The following SLC9A9 variants were observed in gnomAD, a reference collection of about 807,000 sequenced individuals.
SLC9A9 encodes the protein sodium/hydrogen exchanger 9.
A neutral mutation model predicts 77.8 loss-of-function variants in SLC9A9; 62 were observed. The ratio of observed to expected loss-of-function variants is 0.80; its 90% CI spans 0.65 to 0.98. SLC9A9 has a LOEUF of 0.98. Ranked by LOEUF, SLC9A9 falls within the 50% of genes least tolerant of loss-of-function variation. The pLI is 0.00. For synonymous variants in SLC9A9, 320 were observed against 283.5 expected (o/e 1.13, Z -1.29); for missense variants, 775 against 774.9 (o/e 1.00, Z 0.00).
intron 14 of SLC9A9, among the ~76,000 whole-genome samples, chr3:143,335,488 C>G (rs545225752): frequency 6.6e-6 from 1 of 152,208 alleles, no homozygotes; most frequent in South Asian, 2.1e-4. Context: ...AAGAACAAAG[C>G]TAAAGGTTTC....
chr3:143,803,112 A>G (rs1354472432), intron 2 of SLC9A9, among the ~76,000 whole-genome samples: 1 of 152,132 alleles, frequency 6.6e-6, no homozygotes, highest in Admixed American at 6.5e-5. Flanking sequence ...AGTCATCTAT[A>G]GTACCCCAAC....
intron 12 of SLC9A9, among the ~76,000 whole-genome samples, chr3:143,391,075 C>A (rs1299369050): frequency 6.6e-6 from 1 of 152,240 alleles, no homozygotes; most frequent in Non-Finnish European, 1.5e-5. Context: ...ACTTAAATGT[C>A]CCTGTCTGAC....
chr3:143,417,871 T>G (rs920508484), intron 12 of SLC9A9, among the ~76,000 whole-genome samples: 1 of 152,022 alleles, frequency 6.6e-6, no homozygotes, highest in Non-Finnish European at 1.5e-5. Context: ...CTTCAAGGCC[T>G]ACAGAGCCTC....
intron 4 of SLC9A9, among the ~76,000 whole-genome samples, chr3:143,707,998 A>G (rs1438312073): frequency 6.6e-6 from 1 of 152,166 alleles, no homozygotes; most frequent in Admixed American, 6.5e-5. Flanking sequence ...TTCTGCTGCT[A>G]TAGCAACCCA....
In SLC9A9 at chr3:143,284,513, G is replaced by A. The variant is rs530769703; in HGVS notation, c.1605-15533C>T. 1.2e-4 allele frequency among the ~76,000 whole-genome samples: 18 copies of A among 151,972 alleles called. No homozygotes were observed. In the East Asian group the frequency reaches 3.3e-3, roughly 28 times the overall value. The stretch of plus-strand genomic sequence containing the variant: ...CGTCTCTAAATATTTTAGCAGGATG[G>A]AGAATTTTCCCTCATTTATATCCCA... On this transcript the variant is annotated intron_variant, in intron 14 of 15. Transcript: ENST00000316549.
At chr3:143,748,768 A>G (rs564991104) in intron 4 of SLC9A9, among the ~76,000 whole-genome samples, 4 of 147,406 alleles carry the variant, frequency 2.7e-5, no homozygotes, top group African/African-American at 7.6e-5. Flanking sequence ...CAGTGGCGCA[A>G]TCTCGGCTCA....
intron 14 of SLC9A9, among the ~76,000 whole-genome samples, chr3:143,282,883 T>C (rs113121505): frequency 6.6e-6 from 1 of 152,254 alleles, no homozygotes; most frequent in South Asian, 2.1e-4. Flanking sequence ...ATAATCCTAA[T>C]GGATACTGGA....
At chr3:143,583,824 T>C (rs1414062775) in intron 6 of SLC9A9, among the ~76,000 whole-genome samples, 3 of 152,192 alleles carry the variant, frequency 2.0e-5, no homozygotes, top group Admixed American at 6.5e-5. Flanking sequence ...AAAACTTCTA[T>C]CCAAACAGAA....
chr3:143,369,631 G>A (rs147117263), intron 13 of SLC9A9, among the ~76,000 whole-genome samples: 192 of 151,830 alleles, frequency 1.3e-3, no homozygotes, highest in African/African-American at 3.7e-3. Context: ...CAATTATTAC[G>A]TGCCAGTTAA....
chr3:143,372,857 T>C (rs2033088811), intron 13 of SLC9A9, among the ~76,000 whole-genome samples: 1 of 152,114 alleles, frequency 6.6e-6, no homozygotes, highest in Non-Finnish European at 1.5e-5. Context: ...TGGAAAAATG[T>C]TCAACATTAC....
chr3:143,312,792 C>G (rs911187678), intron 14 of SLC9A9, among the ~76,000 whole-genome samples: 2 of 152,162 alleles, frequency 1.3e-5, no homozygotes, highest in African/African-American at 4.8e-5. Context: ...GAAGTCATCC[C>G]CAGGTTTTGT....
intron 12 of SLC9A9, among the ~76,000 whole-genome samples, chr3:143,439,721 C>A (rs545647856): frequency 2.3e-4 from 35 of 152,000 alleles, no homozygotes; most frequent in African/African-American, 7.0e-4. Context: ...TCCAGAGCAC[C>A]CAACGAATGA....
At chr3:143,654,592 G>A (rs1013854150) in intron 5 of SLC9A9, among the ~76,000 whole-genome samples, 2 of 152,146 alleles carry the variant, frequency 1.3e-5, no homozygotes, top group African/African-American at 4.8e-5. Flanking sequence ...TTACAATGGG[G>A]TTTGGTTAGC....
chr3:143,706,374 G>C (rs1191296053), intron 4 of SLC9A9, among the ~76,000 whole-genome samples: 1 of 152,106 alleles, frequency 6.6e-6, no homozygotes, highest in African/African-American at 2.4e-5. Flanking sequence ...GAATGTAAGA[G>C]GCTCCTGGAG....
chr3:143,674,154 T>C (rs912041590), intron 5 of SLC9A9, among the ~76,000 whole-genome samples: 1 of 152,164 alleles, frequency 6.6e-6, no homozygotes, highest in Admixed American at 6.5e-5. Flanking sequence ...TTTGAAGAAA[T>C]GGAAGGTACT....
intron 9 of SLC9A9, chr3:143,518,076 C>T (rs2036233436): frequency 1.3e-6 from 2 of 1,553,510 alleles, no homozygotes; most frequent in Non-Finnish European, 8.8e-7. Flanking sequence ...GTATTTTCTT[C>T]TGATTTAGCT....
chr3:143,566,314 A>C (rs541945687), intron 8 of SLC9A9, among the ~76,000 whole-genome samples: 1 of 152,292 alleles, frequency 6.6e-6, no homozygotes, highest in Admixed American at 6.5e-5. Flanking sequence ...TTTGAGGCCA[A>C]TAGGAGAACA....
intron 4 of SLC9A9, among the ~76,000 whole-genome samples, chr3:143,718,386 G>A (rs1465904806): frequency 6.6e-6 from 1 of 151,370 alleles, no homozygotes; most frequent in African/African-American, 2.5e-5. Context: ...CTTGTTTCAT[G>A]ATTTTTTTGA....
chr3:143,829,972 G>A (rs1576757378), intron 2 of SLC9A9, among the ~76,000 whole-genome samples: 1 of 152,264 alleles, frequency 6.6e-6, no homozygotes, highest in East Asian at 1.9e-4. Flanking sequence ...GAAGGGGGAT[G>A]GAAGATCTAT....
Sources: allele counts gnomAD v4.1 joint callset (sites outside exome capture counted in the v4.1 genomes callset), GRCh38; gene constraint gnomAD v4.1.1; transcripts MANE v1.5; gene names NCBI Gene and HGNC (gene_info 2026-07-23, HGNC 2026-07-21).